Variants in IKZF5 observed in about 807,000 individuals in gnomAD.
IKZF5 encodes IKAROS family zinc finger 5, also known as zinc finger protein Pegasus.
In IKZF5, 4 loss-of-function variants were observed where a neutral mutation model predicts 30.7. That is an observed-to-expected ratio of 0.13 (90% CI 0.06 to 0.30). The LOEUF is 0.30. IKZF5 is among the 10% of genes least tolerant of loss of function. The pLI is 1.00. For missense variants in IKZF5, 348 were observed against 525.5 expected, an observed-to-expected ratio of 0.66 and a Z score of 3.30; for synonymous variants, 148 against 179.6, an observed-to-expected ratio of 0.82 and a Z score of 1.41.
intron 1 of IKZF5, among the ~76,000 whole-genome samples, chr10:123,007,542 A>G (rs1849844350): frequency 6.6e-6 from 1 of 152,242 alleles, no homozygotes; most frequent in East Asian, 1.9e-4. Context: ...CTGTAGTTGC[A>G]TAAAAACAAC....
At chr10:123,007,846 T>C (rs1849863481) in intron 1 of IKZF5, among the ~76,000 whole-genome samples, 1 of 152,240 alleles carries the variant, frequency 6.6e-6, no homozygotes, top group Non-Finnish European at 1.5e-5. Context: ...TAAAAAAAAG[T>C]TGTTTTAAAT....
chr10:122,994,687 G>A lies in IKZF5; in HGVS notation c.353C>T (p.Ala118Val). The change falls in exon 5 of 5, where the codon GCA (alanine) becomes GTA (valine). Residue 118 changes from alanine to valine, a missense_variant. Physicochemically the swap from Ala to Val is moderately conservative, Grantham distance 64. This residue lies in a region of IKZF5 where 36 missense variants were observed against 129.4 expected (regional missense o/e 0.28). Transcript: ENST00000368886. This position sits in a 1 kb window ranked among gnomAD's most constrained non-coding sequence, Gnocchi z 5.6. ...TTCCAGATGACGCTCATAAGCAGAT[G>A]CAAATGGACAAAGATGACATCGATG... ...KPHRCHLCPF[A>V]SAYERHLEAH... The A allele has an allele frequency of 6.2e-7, 1 of 1,611,340 alleles. No homozygotes were observed. Among genetic ancestry groups the A allele is most frequent in the Non-Finnish European group, 8.5e-7 (1 of 1,179,180 alleles).
At position 122,994,015 on chromosome 10, in the gene IKZF5, C is replaced by G. The variant is rs2133376891; in HGVS notation, c.1025G>C (p.Ser342Thr). 1 of 1,614,068 alleles carries G rather than the reference C, an allele frequency of 6.2e-7. No homozygotes were observed. ...GGTGCTTGGCTGGCTGTTTCCTATG[C>G]TGGGAGTGCTCGTGTGGGCACTTGG... ...SEPSAHTSTP[S>T]IGNSQPSTPA... The change falls in exon 5 of 5, where the codon AGC (serine) becomes ACC (threonine). Residue 342 changes from serine to threonine, a missense_variant. This residue lies in a region of IKZF5 where 56 missense variants were observed against 104.7 expected (regional missense o/e 0.53). Transcript: ENST00000368886. This position sits in a 1 kb window ranked among gnomAD's most constrained non-coding sequence, Gnocchi z 5.6.
At chr10:123,007,686 G>A (rs1489387234) in intron 1 of IKZF5, among the ~76,000 whole-genome samples, 3 of 152,124 alleles carry the variant, frequency 2.0e-5, no homozygotes, top group Non-Finnish European at 4.4e-5. Context: ...GGTTTTCTGG[G>A]AAACATCCTG....
chr10:123,008,070 T>C (rs1849874529), intron 1 of IKZF5, among the ~76,000 whole-genome samples: 2 of 152,132 alleles, frequency 1.3e-5, no homozygotes, highest in African/African-American at 4.8e-5. Context: ...ACACAGTTTA[T>C]CCAAAGATCT....
At chr10:123,000,798 G>A (rs1435825617) in intron 2 of IKZF5, among the ~76,000 whole-genome samples, 1 of 152,046 alleles carries the variant, frequency 6.6e-6, no homozygotes, top group African/African-American at 2.4e-5. Context: ...TACATTCCTT[G>A]GTGACTAATG....
At chr10:123,005,109 C>T (rs1411745864) in intron 2 of IKZF5, among the ~76,000 whole-genome samples, 3 of 151,776 alleles carry the variant, frequency 2.0e-5, no homozygotes, top group East Asian at 1.9e-4. Flanking sequence ...GGCAACAGAG[C>T]GAGACCTCAT....
At chr10:122,995,197 A>C (rs947730706) in intron 4 of IKZF5, among the ~76,000 whole-genome samples, 9 of 152,382 alleles carry the variant, frequency 5.9e-5, no homozygotes, top group Admixed American at 4.6e-4. Context: ...TAGAAAGCTC[A>C]GAATTGAAAT....
intron 2 of IKZF5, among the ~76,000 whole-genome samples, chr10:123,006,319 C>A (rs927155650): frequency 6.6e-6 from 1 of 152,178 alleles, no homozygotes; most frequent in African/African-American, 2.4e-5. Context: ...GTCGTCTGAT[C>A]TTTCTTCTTC....
At chr10:122,997,882 A>G (rs907959442) in intron 3 of IKZF5, among the ~76,000 whole-genome samples, 13 of 152,246 alleles carry the variant, frequency 8.5e-5, no homozygotes, top group African/African-American at 3.1e-4. Flanking sequence ...CCATCTTTAA[A>G]TGTAAAAACC....
intron 3 of IKZF5, 95 bp downstream of exon 3, chr10:122,998,398 A>G: frequency 1.9e-6 from 2 of 1,041,826 alleles, no homozygotes; most frequent in Non-Finnish European, 1.4e-6. Context: ...AGAATGATTC[A>G]CATTAATGCG....
Position 122,994,801 on chromosome 10 carries a change from C to A in IKZF5, c.317-78G>T. On this transcript the variant is annotated intron_variant, in intron 4 of 4. Coordinates refer to ENST00000368886, the MANE Select transcript of IKZF5 (RefSeq NM_001372123.1). This position sits in a 1 kb window ranked among gnomAD's most constrained non-coding sequence, Gnocchi z 5.6. ...AAGTTTTGCTTGTCCATTCATTGGA[C>A]AACTGGAAATTGATCAAAAAGAAAA... 1 of 1,147,888 alleles carries A rather than the reference C, an allele frequency of 8.7e-7. No homozygotes were observed. Among genetic ancestry groups the A allele is most frequent in the Admixed American group, 2.4e-5 (1 of 41,300 alleles). The allele number at this position is 1,147,888 out of a possible 1,614,324, so 71.1% of individuals were successfully genotyped here.
chr10:123,007,368 C>CAT (rs1272955005), intron 1 of IKZF5, among the ~76,000 whole-genome samples, 192 bp from the exon 2 acceptor site: 2 of 152,152 alleles, frequency 1.3e-5, no homozygotes, highest in Non-Finnish European at 2.9e-5. Context: ...ATAGGATCAC[C>CAT]AAAGAATAAC....
rs1285374376 is a variant in IKZF5 at position 122,991,958 on chromosome 10, A to G, written c.*1822T>C. Reference sequence around the variant, plus strand: ...ATCTGAAGAATAAAAATGGGAAAAAATAACCACAAAAACTTCCAAATGACA... The same window carrying G: ...ATCTGAAGAATAAAAATGGGAAAAAGTAACCACAAAAACTTCCAAATGACA... On this transcript the variant is annotated 3_prime_UTR_variant, in exon 5 of 5. Coordinates refer to ENST00000368886, the MANE Select transcript of IKZF5 (RefSeq NM_001372123.1). The G allele has an allele frequency of 6.6e-6, 1 of 152,206 alleles. No homozygotes were observed. Among genetic ancestry groups the G allele is most frequent in the Non-Finnish European group, 1.5e-5 (1 of 68,018 alleles). The allele number at this position is 152,206 out of a possible 1,614,324, so 9.4% of individuals were successfully genotyped here. A position where few individuals can be genotyped will look rare whatever the true frequency, so the allele number is the denominator to read the frequency against.
rs887119962 is a variant in IKZF5 at position 122,992,999 on chromosome 10, T to C, written c.*781A>G. On this transcript the variant is annotated 3_prime_UTR_variant, in exon 5 of 5. Transcript: ENST00000368886. ...GAATAAGAGATTCTCATTATAGTTA[T>C]CCACCTCACCTAACAGTAATGATAT... 5 of 152,568 alleles carry C rather than the reference T, an allele frequency of 3.3e-5. No homozygotes were observed. The highest frequency in any genetic ancestry group is 5.9e-5 in the Non-Finnish European group (4 of 68,012). The allele number at this position is 152,568 out of a possible 1,614,324, so 9.5% of individuals were successfully genotyped here.
rs1849192819 is a variant in IKZF5 at position 122,992,391 on chromosome 10, A to T, written c.*1389T>A. The T allele has an allele frequency of 6.6e-6, 1 of 152,244 alleles. No individual in the cohort carries two copies. The highest frequency in any genetic ancestry group is 1.5e-5 in the Non-Finnish European group (1 of 68,040). 9.4% of individuals were successfully genotyped at this position (152,244 alleles called of 1,614,324 possible). On this transcript the variant is annotated 3_prime_UTR_variant, in exon 5 of 5. Coordinates refer to ENST00000368886, the MANE Select transcript of IKZF5 (RefSeq NM_001372123.1). ...GATGCCAATTAGGGGCACATTCAAC[A>T]TATGAACAAAATTAAAAATAGAATT...
chr10:123,006,655 A>G (rs1849798151), intron 2 of IKZF5, among the ~76,000 whole-genome samples: 1 of 152,238 alleles, frequency 6.6e-6, no homozygotes, highest in Admixed American at 6.5e-5. Context: ...ACCATAAGGA[A>G]GAATACAATA....
rs755978407 is a variant in IKZF5, at chr10:122,996,093, C to T, written c.217G>A (p.Gly73Arg). ...LDENSGMLVD[G>R]FERTFDGKLK... ...TTCCCATCAAAGGTCCTTTCAAACC[C>T]GTCTACTAACATTCCTGAGTTTTCA... The change falls in exon 4 of 5, where the codon GGG becomes AGG. Residue 73 changes from glycine to arginine, a missense_variant. By Grantham distance (125) the Gly-to-Arg change is moderately radical. Transcript: ENST00000368886. The T allele has an allele frequency of 2.5e-6, 4 of 1,613,930 alleles. No homozygotes were observed. The highest frequency in any genetic ancestry group is 3.4e-6 in the Non-Finnish European group (4 of 1,180,002).
Position 122,993,699 on chromosome 10 carries a change from T to A in IKZF5, c.*81A>T. ...ATAAGCCTTGAATTAGCAGACACTT[T>A]ATTAGGGATGACCAAAACAAAAAAC... is the stretch of plus-strand genomic sequence containing the variant. On this transcript the variant is annotated 3_prime_UTR_variant, in exon 5 of 5. Coordinates refer to ENST00000368886, the MANE Select transcript of IKZF5 (RefSeq NM_001372123.1). 2 of 849,822 alleles carry A rather than the reference T, an allele frequency of 2.4e-6. No homozygotes were observed. Among genetic ancestry groups the A allele is most frequent in the East Asian group, 4.9e-5 (2 of 40,826 alleles). The allele number at this position is 849,822 out of a possible 1,614,324, so 52.6% of individuals were successfully genotyped here.
Sources: gnomAD v4.1 joint callset for allele counts (sites outside exome capture counted in the v4.1 genomes callset) on GRCh38, gnomAD v4.1.1 for gene constraint, gnomAD v4.1.1 regional missense constraint, Gnocchi (gnomAD v3.1) non-coding constraint, MANE v1.5 for transcripts, NCBI Gene and HGNC (gene_info 2026-07-23, HGNC 2026-07-21) for gene names.